The following RAPGEF4 variants were observed in gnomAD, a reference collection of about 807,000 sequenced individuals.
RAPGEF4 encodes RAP guanine-nucleotide-exchange factor (GEF) 4.
RAPGEF4 carries 66 observed loss-of-function variants against 147.9 expected under a neutral mutation model. The observed-to-expected ratio is 0.45, with a 90% confidence interval of 0.37 to 0.55. The LOEUF is 0.55. Among genes scored for constraint, RAPGEF4 ranks in the 20% least tolerant of loss-of-function variants. The pLI is 0.00. For missense variants in RAPGEF4, 1,071 were observed against 1,257.3 expected (o/e 0.85, Z 2.24); for synonymous variants, 419 against 442.7 (o/e 0.95, Z 0.67).
At chr2:173,012,906 G>A (rs981146935) in intron 17 of RAPGEF4, among the ~76,000 whole-genome samples, 5 of 152,196 alleles carry the variant, frequency 3.3e-5, no homozygotes, top group Non-Finnish European at 7.3e-5. Context: ...TCTTTGGAAA[G>A]AAAAACTCAG....
upstream of RAPGEF4, chr2:172,735,813 C>A (rs1260228125): frequency 2.8e-6 from 1 of 351,238 alleles, no homozygotes; most frequent in Non-Finnish European, 4.5e-6. Flanking sequence ...CTCTCCCCAC[C>A]GCCCCAGGCC....
chr2:172,990,017 C>CAAAA (rs10689863), intron 14 of RAPGEF4, among the ~76,000 whole-genome samples: 1,419 of 128,486 alleles, frequency 0.011, 22 homozygotes, highest in African/African-American at 0.03. Flanking sequence ...GGTCTTAATG[C>CAAAA]AAAAAAAAAA....
intron 10 of RAPGEF4, among the ~76,000 whole-genome samples, chr2:172,969,018 G>A (rs951719441): frequency 2.6e-5 from 4 of 152,190 alleles, no homozygotes; most frequent in Non-Finnish European, 4.4e-5. Context: ...CCCCCTAAGG[G>A]CTGTTGTCAA....
chr2:172,865,999 C>T (rs897571642), intron 4 of RAPGEF4, among the ~76,000 whole-genome samples: 5 of 152,064 alleles, frequency 3.3e-5, no homozygotes, highest in Non-Finnish European at 1.5e-5. Flanking sequence ...TCACTCTCAT[C>T]CTCTTGGGAT....
chr2:172,797,520 C>G lies in RAPGEF4; in HGVS notation c.209-5C>G. ...TATATTTATATCACAATTTTTTTTT[C>G]CCAGTATTTCGCCAGGGTGATATTG... On this transcript the variant is annotated splice_polypyrimidine_tract_variant and splice_region_variant and intron_variant, in intron 2 of 30. Transcript: ENST00000397081. The G allele has an allele frequency of 6.2e-7, 1 of 1,604,826 alleles. No homozygotes were observed. Among genetic ancestry groups the G allele is most frequent in the Non-Finnish European group, 8.5e-7 (1 of 1,175,236 alleles).
At chr2:172,950,513 T>A (rs1559140366) in intron 6 of RAPGEF4, among the ~76,000 whole-genome samples, 1 of 152,186 alleles carries the variant, frequency 6.6e-6, no homozygotes, top group Non-Finnish European at 1.5e-5. Context: ...CTTAGGAGGG[T>A]AATGTAAGGA....
chr2:172,821,313 T>C (rs1404805671), intron 4 of RAPGEF4, among the ~76,000 whole-genome samples: 2 of 152,142 alleles, frequency 1.3e-5, no homozygotes, highest in African/African-American at 4.8e-5. Context: ...GCCTGCCTGA[T>C]AATGCACGGG....
intron 27 of RAPGEF4, among the ~76,000 whole-genome samples, chr2:173,035,798 T>C (rs1385561393): frequency 6.6e-6 from 1 of 152,218 alleles, no homozygotes; most frequent in African/African-American, 2.4e-5. Flanking sequence ...TAATGTAAGT[T>C]AGAGAAAAAA....
intron 6 of RAPGEF4, among the ~76,000 whole-genome samples, chr2:172,943,070 G>C (rs1024759987): frequency 2.0e-5 from 3 of 152,108 alleles, no homozygotes; most frequent in African/African-American, 7.2e-5. Flanking sequence ...GTCAGGAAAA[G>C]GGAGGGGAAC....
At chr2:172,966,481 C>T (rs369848994) in intron 9 of RAPGEF4, among the ~76,000 whole-genome samples, 126 of 152,196 alleles carry the variant, frequency 8.3e-4, no homozygotes, top group African/African-American at 2.9e-3. Context: ...TGCTGCTGCT[C>T]CTCCAGGAAT....
At chr2:172,822,526 T>C (rs879305099) in intron 4 of RAPGEF4, among the ~76,000 whole-genome samples, 15 of 152,318 alleles carry the variant, frequency 9.8e-5, no homozygotes, top group Non-Finnish European at 2.2e-4. Context: ...TTTCAGTGTT[T>C]CTCAGAAGAT....
At chr2:172,943,907 G>T (rs946162858) in intron 6 of RAPGEF4, among the ~76,000 whole-genome samples, 1 of 152,144 alleles carries the variant, frequency 6.6e-6, no homozygotes, top group Non-Finnish European at 1.5e-5. Flanking sequence ...ACCTCCTAAT[G>T]ATAATTAGGG....
intron 1 of RAPGEF4, among the ~76,000 whole-genome samples, chr2:172,758,335 T>C (rs931745788): frequency 7.2e-5 from 11 of 152,080 alleles, no homozygotes; most frequent in African/African-American, 2.4e-4. Flanking sequence ...CATAGGAACT[T>C]GACAGCTGTT....
chr2:173,021,663 T>G (rs1272259136), intron 23 of RAPGEF4, among the ~76,000 whole-genome samples: 1 of 152,212 alleles, frequency 6.6e-6, no homozygotes, highest in Admixed American at 6.5e-5. Context: ...GGAGAGAGTT[T>G]ACATAAGGGA....
chr2:172,854,883 G>A (rs1024720347), intron 4 of RAPGEF4, among the ~76,000 whole-genome samples: 1 of 152,194 alleles, frequency 6.6e-6, no homozygotes, highest in African/African-American at 2.4e-5. Flanking sequence ...ACAGTTTTGA[G>A]AATGTCTCTG....
chr2:172,944,272 G>T (rs1559136782), intron 6 of RAPGEF4, among the ~76,000 whole-genome samples: 1 of 152,186 alleles, frequency 6.6e-6, no homozygotes, highest in African/African-American at 2.4e-5. Context: ...TTAGGTTTAT[G>T]CGATAAGACA....
rs187419695 is a variant in RAPGEF4 at position 172,884,872 on chromosome 2, A to G, written c.445-32930A>G. Among the ~76,000 whole-genome samples, 101 of 152,328 alleles carry G rather than the reference A, an allele frequency of 6.6e-4. 1 individual carries two copies. The highest frequency in any genetic ancestry group is 3.9e-4 in the East Asian group (2 of 5,180). On this transcript the variant is annotated intron_variant, in intron 4 of 30. Transcript: ENST00000397081. ...TAGGAAGTTCTGACAGTGCTTGAAAATCATTTGCATTTGCCTTGATTTATT... is the reference window on the plus strand; with the variant it reads ...TAGGAAGTTCTGACAGTGCTTGAAAGTCATTTGCATTTGCCTTGATTTATT...
chr2:172,983,731 T>C, intron 11 of RAPGEF4, 151 bp downstream of exon 11: 1 of 1,404,422 alleles, frequency 7.1e-7, no homozygotes. Flanking sequence ...GCTGAGGAAG[T>C]TATACCCAAG....
At chr2:172,792,213 G>A (rs971404002) in intron 1 of RAPGEF4, among the ~76,000 whole-genome samples, 3 of 152,182 alleles carry the variant, frequency 2.0e-5, no homozygotes, top group Non-Finnish European at 4.4e-5. Context: ...GCCAGCTGCT[G>A]CTGTCCTTGC....
Sources: gnomAD v4.1 joint callset for allele counts (sites outside exome capture counted in the v4.1 genomes callset) on GRCh38, gnomAD v4.1.1 for gene constraint, MANE v1.5 for transcripts, NCBI Gene and HGNC (gene_info 2026-07-23, HGNC 2026-07-21) for gene names.